HMGB1: variants seen among roughly 807,000 people sequenced by gnomAD.
HMGB1 encodes high mobility group protein B1.
For synonymous variants in HMGB1, 81 were observed against 84.0 expected, an observed-to-expected ratio of 0.96 and a Z score of 0.19; for missense variants, 79 against 253.5, an observed-to-expected ratio of 0.31 and a Z score of 4.67.
chr13:30,465,172 G>T (rs1258982064), intron 1 of HMGB1: 3 of 959,862 alleles, frequency 3.1e-6, no homozygotes, highest in African/African-American at 1.8e-5. Context: ...GAGCGCAGCG[G>T]CGCCGCTCCC....
chr13:30,587,612 C>T (rs1012791859), intron 1 of HMGB1, among the ~76,000 whole-genome samples: 2 of 152,200 alleles, frequency 1.3e-5, no homozygotes, highest in Admixed American at 6.5e-5. Context: ...CCAGCATGTT[C>T]TTTGAGGTAC....
chr13:30,551,743 T>C (rs569757413), intron 1 of HMGB1, among the ~76,000 whole-genome samples: 4 of 152,336 alleles, frequency 2.6e-5, no homozygotes, highest in Non-Finnish European at 4.4e-5. Context: ...TCTTGCTCTG[T>C]TGCCCAGGCT....
Position 30,538,632 on chromosome 13 carries a change from T to C in HMGB1, c.-14-74938A>G, listed in dbSNP as rs993276187. 1.1e-3 allele frequency among the ~76,000 whole-genome samples: 92 copies of C among 83,816 alleles called. 2 individuals are homozygous for C. The highest frequency in any genetic ancestry group is 0.01 in the African/African-American group (86 of 8,320). The allele number at this position is 83,816 out of a possible 152,430, so 55.0% of individuals were successfully genotyped here. A position where few individuals can be genotyped will look rare whatever the true frequency, so the allele number is the denominator to read the frequency against. On this transcript the variant is annotated intron_variant, in intron 1 of 4. Transcript: ENST00000405805. ...CTTTCTCTTTCTCTCTCTCTTTCTT[T>C]TTCTTTCTTCCTTTCTTTCTTTCTT...
At chr13:30,525,505 T>C (rs1888342286) in intron 1 of HMGB1, among the ~76,000 whole-genome samples, 1 of 152,154 alleles carries the variant, frequency 6.6e-6, no homozygotes, top group African/African-American at 2.4e-5. Flanking sequence ...AGCCCAGTTG[T>C]TTTGCACATG....
At chr13:30,557,984 C>T (rs1281239888) in intron 1 of HMGB1, among the ~76,000 whole-genome samples, 2 of 152,090 alleles carry the variant, frequency 1.3e-5, no homozygotes, top group Non-Finnish European at 1.5e-5. Flanking sequence ...TTTCACATGT[C>T]TGGCATCTCT....
chr13:30,614,209 T>C (rs1290914786), intron 1 of HMGB1, among the ~76,000 whole-genome samples: 5 of 152,254 alleles, frequency 3.3e-5, no homozygotes, highest in Admixed American at 1.3e-4. Context: ...TATCCTTTTG[T>C]ACCTTTTGAA....
At chr13:30,602,638 G>C (rs923029509) in intron 1 of HMGB1, among the ~76,000 whole-genome samples, 25 of 152,170 alleles carry the variant, frequency 1.6e-4, no homozygotes, top group African/African-American at 6.0e-4. Context: ...AGCATAGCCA[G>C]CTGGCTTTAT....
upstream of HMGB1, among the ~76,000 whole-genome samples, chr13:30,469,400 T>G (rs1886870280): frequency 6.6e-6 from 1 of 152,348 alleles, no homozygotes; most frequent in Admixed American, 6.5e-5. Context: ...ACAATTGTGG[T>G]TCTCCAGTTG....
At chr13:30,609,017 T>C (rs1055733481) in intron 1 of HMGB1, among the ~76,000 whole-genome samples, 1 of 139,570 alleles carries the variant, frequency 7.2e-6, no homozygotes, top group Non-Finnish European at 1.7e-5. Flanking sequence ...ATCCCAGCAC[T>C]TGGGGAGGCC....
At chr13:30,497,576 G>A (rs979162893) in intron 1 of HMGB1, among the ~76,000 whole-genome samples, 1 of 151,926 alleles carries the variant, frequency 6.6e-6, no homozygotes, top group Non-Finnish European at 1.5e-5. Context: ...GGTGCCTGAC[G>A]GGTAGTTTTT....
At chr13:30,509,612 C>T (rs761251623) in intron 1 of HMGB1, among the ~76,000 whole-genome samples, 2 of 152,044 alleles carry the variant, frequency 1.3e-5, no homozygotes, top group Non-Finnish European at 2.9e-5. Flanking sequence ...TTAACCTTTG[C>T]CTGGGGATAT....
chr13:30,467,872 C>G (rs916706856), upstream of HMGB1, among the ~76,000 whole-genome samples: 6 of 152,224 alleles, frequency 3.9e-5, no homozygotes, highest in Admixed American at 1.3e-4. Flanking sequence ...TCTATACCAG[C>G]TTGCTCCTGC....
At chr13:30,532,902 CTAGAAG>C (rs1221081476) in intron 1 of HMGB1, among the ~76,000 whole-genome samples, 2 of 152,242 alleles carry the variant, frequency 1.3e-5, no homozygotes, top group African/African-American at 4.8e-5. Flanking sequence ...AGATGAGCTC[CTAGAAG>C]TAGAATACAG....
At chr13:30,496,101 A>G (rs1281631576) in intron 1 of HMGB1, among the ~76,000 whole-genome samples, 1 of 152,230 alleles carries the variant, frequency 6.6e-6, no homozygotes, top group African/African-American at 2.4e-5. Context: ...CAACTCAAAC[A>G]CTTAGGGTTT....
At chr13:30,462,491 T>C (rs1347116528) in intron 4 of HMGB1, 47 bp downstream of exon 4, 2 of 1,427,646 alleles carry the variant, frequency 1.4e-6, no homozygotes, top group South Asian at 2.3e-5. Flanking sequence ...CAATCATACA[T>C]CTGGCGTACT....
chr13:30,508,051 A>G (rs1887908077), intron 1 of HMGB1, among the ~76,000 whole-genome samples: 2 of 152,204 alleles, frequency 1.3e-5, no homozygotes, highest in Admixed American at 1.3e-4. Context: ...GTGGCTGGCC[A>G]TGGCCTTGAA....
intron 1 of HMGB1, among the ~76,000 whole-genome samples, chr13:30,602,551 C>A (rs551609260): frequency 6.6e-6 from 1 of 152,058 alleles, no homozygotes; most frequent in Non-Finnish European, 1.5e-5. Context: ...TCATTTTTTC[C>A]TCCAAAAACT....
Position 30,610,591 on chromosome 13 carries a change from T to TA in HMGB1, c.-15+6079dup, listed in dbSNP as rs1441993463. Among the ~76,000 whole-genome samples, 3 of 152,240 alleles carry TA rather than the reference T, an allele frequency of 2.0e-5. No homozygotes were observed. The East Asian group carries it at 5.8e-4, about 29-fold the overall frequency. On this transcript the variant is annotated intron_variant, in intron 1 of 4. Coordinates refer to the HMGB1 transcript ENST00000405805. ...TTGCCTGAGGCCAAAATTAGTTAAA[T>TA]AACAGAAGTGGGATTAGTAGATGTT... is the stretch of plus-strand genomic sequence containing the variant.
At chr13:30,564,278 C>CAAAAAAAAAAAAAA (rs60208654) in intron 1 of HMGB1, among the ~76,000 whole-genome samples, 1 of 105,842 alleles carries the variant, frequency 9.4e-6, no homozygotes, top group Non-Finnish European at 2.0e-5. Context: ...ACTAAAAATG[C>CAAAAAAAAAAAAAA]AAAAAAAAAA....
Sources: allele counts gnomAD v4.1 joint callset (sites outside exome capture counted in the v4.1 genomes callset), GRCh38; gene constraint gnomAD v4.1.1; transcripts MANE v1.5; gene names NCBI Gene and HGNC (gene_info 2026-07-23, HGNC 2026-07-21).